Variants in BNC2 observed in about 807,000 individuals in gnomAD.
The protein encoded by BNC2 is basonuclin zinc finger protein 2.
BNC2 carries 20 observed loss-of-function variants against 76.3 expected under a neutral mutation model. That is an observed-to-expected ratio of 0.26 (90% CI 0.18 to 0.38). The LOEUF (loss-of-function observed/expected upper bound fraction) is 0.38, where lower values mean the gene tolerates loss of function less well. BNC2 is among the 10% of genes least tolerant of loss of function. The probability of loss-of-function intolerance (pLI) is 1.00; values close to 1 mark genes in which losing one functional copy is unlikely to be tolerated. For missense variants in BNC2, 1,382 were observed against 1,399.8 expected, an observed-to-expected ratio of 0.99 and a Z score of 0.20; for synonymous variants, 582 against 514.8, an observed-to-expected ratio of 1.13 and a Z score of -1.77.
rs563881661 is a variant in BNC2, at chr9:16,773,117, C to G, written c.4-34632G>C. Among the ~76,000 whole-genome samples the G allele has an allele frequency of 1.6e-4, 24 of 152,226 alleles. No homozygotes were observed. The South Asian group carries it at 2.1e-3, about 13-fold the overall frequency. On this transcript the variant is annotated intron_variant, in intron 1 of 6. Coordinates refer to ENST00000380672, the MANE Select transcript of BNC2 (RefSeq NM_017637.6). The stretch of plus-strand genomic sequence containing the variant: ...GCATTGACCAATTCTGTCCTGATTG[C>G]TGTTCTTTTTACTATCAAGGGACAC...
At chr9:16,608,497 T>A (rs1820445953) in intron 3 of BNC2, among the ~76,000 whole-genome samples, 1 of 152,108 alleles carries the variant, frequency 6.6e-6, no homozygotes, top group South Asian at 2.1e-4. Flanking sequence ...CATTTAAAAA[T>A]AATCAATTTT....
chr9:16,827,356 AG>A (rs1818476671), intron 1 of BNC2, among the ~76,000 whole-genome samples: 1 of 152,174 alleles, frequency 6.6e-6, no homozygotes, highest in Non-Finnish European at 1.5e-5. Flanking sequence ...TCTTCCTGAG[AG>A]CAGGTACTCC....
intron 3 of BNC2, among the ~76,000 whole-genome samples, chr9:16,671,609 G>T (rs891704052): frequency 6.6e-6 from 1 of 152,086 alleles, no homozygotes; most frequent in Non-Finnish European, 1.5e-5. Flanking sequence ...ATAGAAACTG[G>T]ACATACAGCT....
chr9:16,782,864 G>C (rs542755674), intron 1 of BNC2, among the ~76,000 whole-genome samples: 14 of 152,304 alleles, frequency 9.2e-5, no homozygotes, highest in African/African-American at 3.4e-4. Context: ...TTTGGAAAAA[G>C]TGAATGTATT....
intron 5 of BNC2, among the ~76,000 whole-genome samples, chr9:16,548,559 C>A (rs1394577218): frequency 3.9e-5 from 6 of 152,130 alleles, no homozygotes; most frequent in Non-Finnish European, 8.8e-5. Flanking sequence ...GCACATGCCA[C>A]CATACCCGGC....
chr9:16,583,624 CTAACA>C (rs1819687856), intron 3 of BNC2, among the ~76,000 whole-genome samples: 1 of 152,032 alleles, frequency 6.6e-6, no homozygotes, highest in African/African-American at 2.4e-5. Flanking sequence ...TCAATAAGAC[CTAACA>C]TATTTCTATT....
intron 5 of BNC2, among the ~76,000 whole-genome samples, chr9:16,457,178 C>G (rs1821469639): frequency 6.6e-6 from 1 of 152,118 alleles, no homozygotes; most frequent in South Asian, 2.1e-4. Flanking sequence ...AACTCAATGA[C>G]AAAATGAAGT....
chr9:16,413,122 C>G lies in BNC2; in HGVS notation c.*5867G>C, dbSNP rs1207208631. The G allele has an allele frequency of 2.0e-5, 3 of 152,492 alleles. No individual in the cohort carries two copies. Among genetic ancestry groups the G allele is most frequent in the South Asian group, 4.1e-4 (2 of 4,822 alleles). The allele number at this position is 152,492 out of a possible 1,614,324, so 9.4% of individuals were successfully genotyped here. ...CTGCTCAGCCCTGGCTTTTTTCTTT[C>G]CTCTTTTGTAATGGTCCACTATTTG... On this transcript the variant is annotated 3_prime_UTR_variant, in exon 7 of 7. Coordinates refer to ENST00000380672, the MANE Select transcript of BNC2 (RefSeq NM_017637.6).
At chr9:16,539,499 G>T (rs1255910666) in intron 5 of BNC2, among the ~76,000 whole-genome samples, 1 of 149,514 alleles carries the variant, frequency 6.7e-6, no homozygotes, top group African/African-American at 2.5e-5. Flanking sequence ...CTGCACTCCA[G>T]CCTGGGCAAC....
At position 16,498,857 on chromosome 9, in the gene BNC2, C is replaced by T. The variant is rs574199180; in HGVS notation, c.669+53673G>A. 3.3e-5 allele frequency among the ~76,000 whole-genome samples: 5 copies of T among 152,162 alleles called. No homozygotes were observed. In the East Asian group the frequency reaches 5.8e-4, roughly 18 times the overall value. ...TCCTATTGTCCAATTCTCAGTGGCC[C>T]GCAGAGGAGGTGCGTGTCCCTGCCA... On this transcript the variant is annotated intron_variant, in intron 5 of 6. Coordinates refer to ENST00000380672, the MANE Select transcript of BNC2 (RefSeq NM_017637.6).
chr9:16,824,264 T>A (rs866032422), intron 1 of BNC2, among the ~76,000 whole-genome samples: 3 of 152,180 alleles, frequency 2.0e-5, no homozygotes, highest in Admixed American at 2.0e-4. Flanking sequence ...GTTGGTTTTT[T>A]AATGTTTGGT....
At chr9:16,715,646 C>G (rs1823977698) in intron 3 of BNC2, among the ~76,000 whole-genome samples, 2 of 152,214 alleles carry the variant, frequency 1.3e-5, no homozygotes, top group Non-Finnish European at 2.9e-5. Flanking sequence ...AGCAGTGGAT[C>G]TGGCAAACTG....
intron 1 of BNC2, among the ~76,000 whole-genome samples, chr9:16,816,566 G>C (rs1818187577): frequency 6.6e-6 from 1 of 152,224 alleles, no homozygotes; most frequent in South Asian, 2.1e-4. Context: ...AAAAAGTCAA[G>C]GGAAAACAAG....
intron 3 of BNC2, among the ~76,000 whole-genome samples, chr9:16,597,601 C>A (rs1324043006): frequency 2.0e-5 from 3 of 152,012 alleles, no homozygotes; most frequent in African/African-American, 7.2e-5. Flanking sequence ...AAATCTACAG[C>A]AATTCTAAAG....
chr9:16,682,565 C>A (rs896872303), intron 3 of BNC2, among the ~76,000 whole-genome samples: 23 of 152,066 alleles, frequency 1.5e-4, no homozygotes, highest in African/African-American at 5.3e-4. Context: ...TCATTAATTA[C>A]AGGAAGCACC....
intron 1 of BNC2, among the ~76,000 whole-genome samples, chr9:16,786,245 A>G (rs906351355): frequency 6.6e-6 from 1 of 152,206 alleles, no homozygotes; most frequent in African/African-American, 2.4e-5. Flanking sequence ...CTAAACAAGG[A>G]GTCTTTTCAG....
chr9:16,523,278 T>G (rs182535283), intron 5 of BNC2, among the ~76,000 whole-genome samples: 1 of 151,774 alleles, frequency 6.6e-6, no homozygotes, highest in Non-Finnish European at 1.5e-5. Context: ...GAGACCATCC[T>G]GGCTAACACG....
At chr9:16,849,147 G>A (rs1159592267) in intron 1 of BNC2, among the ~76,000 whole-genome samples, 1 of 151,912 alleles carries the variant, frequency 6.6e-6, no homozygotes, top group African/African-American at 2.4e-5. Flanking sequence ...GCCCCAGGGA[G>A]GAATGAAGAA....
intron 1 of BNC2, among the ~76,000 whole-genome samples, chr9:16,788,330 G>GA (rs1563943624): frequency 1.3e-5 from 2 of 151,042 alleles, no homozygotes; most frequent in Non-Finnish European, 3.0e-5. Flanking sequence ...AAGGTGGGCA[G>GA]ATCATGAAGT....
Sources: allele counts gnomAD v4.1 joint callset (sites outside exome capture counted in the v4.1 genomes callset), GRCh38; gene constraint gnomAD v4.1.1; transcripts MANE v1.5; gene names NCBI Gene and HGNC (gene_info 2026-07-23, HGNC 2026-07-21).